Variants in TMC2 observed in about 807,000 individuals in gnomAD.
The protein encoded by TMC2 is transmembrane channel-like protein 2.
A neutral mutation model predicts 105.9 loss-of-function variants in TMC2; 102 were observed. The ratio of observed to expected loss-of-function variants is 0.96; its 90% CI spans 0.82 to 1.14. The LOEUF is 1.14. TMC2 is among the 50% of genes most tolerant of loss of function. TMC2 has a pLI of 0.00. For synonymous variants in TMC2, 402 were observed against 422.8 expected, an observed-to-expected ratio of 0.95 and a Z score of 0.60; for missense variants, 1,093 against 1,134.3, an observed-to-expected ratio of 0.96 and a Z score of 0.52.
intron 1 of TMC2, 50 bp from the exon 2 acceptor site, chr20:2,537,219 G>C: frequency 6.5e-7 from 1 of 1,549,640 alleles, no homozygotes; most frequent in African/African-American, 1.4e-5. Flanking sequence ...TCTGCAGGGA[G>C]GGGGACTCAC....
At chr20:2,559,522 T>C (rs565313898) in intron 3 of TMC2, among the ~76,000 whole-genome samples, 3 of 152,206 alleles carry the variant, frequency 2.0e-5, no homozygotes, top group Non-Finnish European at 4.4e-5. Context: ...GTTGCTCATA[T>C]TGTTTTAAGA....
At chr20:2,604,277 G>C (rs549571019) in intron 11 of TMC2, among the ~76,000 whole-genome samples, 1 of 152,190 alleles carries the variant, frequency 6.6e-6, no homozygotes, top group Non-Finnish European at 1.5e-5. Flanking sequence ...CTTTATCTCA[G>C]CCAACGTTTC....
At chr20:2,540,264 C>T (rs536381733) in intron 2 of TMC2, among the ~76,000 whole-genome samples, 6 of 151,732 alleles carry the variant, frequency 4.0e-5, no homozygotes, top group Non-Finnish European at 7.4e-5. Context: ...GCTGGGATTA[C>T]AGGTGTGAGC....
At chr20:2,633,830 T>C (rs2086622875) in intron 17 of TMC2, among the ~76,000 whole-genome samples, 1 of 152,182 alleles carries the variant, frequency 6.6e-6, no homozygotes, top group Admixed American at 6.5e-5. Flanking sequence ...TTTAGCTGTT[T>C]TCCTTGAAAA....
chr20:2,558,439 T>A lies in TMC2; in HGVS notation c.83-17T>A, dbSNP rs1157286990. The stretch of plus-strand genomic sequence containing the variant: ...AGGCCGTTGGAACCAGAACTGTCCA[T>A]TTTCCCGCCCCGGCAGGTGACAGGC... On this transcript the variant is annotated splice_polypyrimidine_tract_variant and intron_variant, in intron 2 of 19. Transcript: ENST00000358864. This position sits in a 1 kb window ranked among gnomAD's most constrained non-coding sequence, Gnocchi z 4.6. 5.2e-6 allele frequency: 8 copies of A among 1,551,768 alleles called. No individual in the cohort carries two copies. Among genetic ancestry groups the A allele is most frequent in the Non-Finnish European group, 6.1e-6 (7 of 1,147,536 alleles).
chr20:2,537,442 T>C (rs2085857612), intron 2 of TMC2, 126 bp downstream of exon 2: 1 of 824,176 alleles, frequency 1.2e-6, no homozygotes, highest in Non-Finnish European at 2.0e-6. Flanking sequence ...ACACCCTGCA[T>C]GGAGCCTTCC....
At chr20:2,537,917 A>G (rs2085861722) in intron 2 of TMC2, among the ~76,000 whole-genome samples, 2 of 152,116 alleles carry the variant, frequency 1.3e-5, no homozygotes, top group African/African-American at 4.8e-5. Context: ...TATGGATGCG[A>G]TGCTGTTTTC....
At chr20:2,572,728 G>C (rs369800373) in intron 5 of TMC2, among the ~76,000 whole-genome samples, 3 of 152,106 alleles carry the variant, frequency 2.0e-5, no homozygotes, top group Non-Finnish European at 4.4e-5. Flanking sequence ...AATGTTTCAT[G>C]TTGGATATTT....
At chr20:2,599,058 A>C (rs1276578936) in intron 10 of TMC2, among the ~76,000 whole-genome samples, 1 of 152,062 alleles carries the variant, frequency 6.6e-6, no homozygotes, top group Non-Finnish European at 1.5e-5. Flanking sequence ...TGCATATTTA[A>C]AAAATAAAAA....
At chr20:2,587,997 C>T (rs1335313229) in intron 7 of TMC2, among the ~76,000 whole-genome samples, 6 of 151,094 alleles carry the variant, frequency 4.0e-5, no homozygotes, top group African/African-American at 1.5e-4. Context: ...CTAAATGACC[C>T]TCAATCTTGT....
chr20:2,539,992 T>TTTCC (rs1171853846), intron 2 of TMC2, among the ~76,000 whole-genome samples: 7 of 128,822 alleles, frequency 5.4e-5, no homozygotes, highest in African/African-American at 2.3e-4. Context: ...TTTCTTTTCT[T>TTTCC]TTTTTTTTTT....
chr20:2,563,248 A>G (rs1179510413), intron 4 of TMC2, among the ~76,000 whole-genome samples: 1 of 152,170 alleles, frequency 6.6e-6, no homozygotes, highest in Admixed American at 6.5e-5. Flanking sequence ...AGATCTAGCT[A>G]CACCAACACT....
In TMC2 at chr20:2,597,426, A is replaced by G. The variant is rs1445224415; in HGVS notation, c.1224+128A>G. 9 of 911,934 alleles carry G rather than the reference A, an allele frequency of 9.9e-6. No individual in the cohort carries two copies. In the East Asian group the frequency reaches 2.2e-4, roughly 22 times the overall value. The allele number at this position is 911,934 out of a possible 1,614,324, so 56.5% of individuals were successfully genotyped here. A position where few individuals can be genotyped will look rare whatever the true frequency, so the allele number is the denominator to read the frequency against. On this transcript the variant is annotated intron_variant, in intron 10 of 19. Coordinates refer to ENST00000358864, the MANE Select transcript of TMC2 (RefSeq NM_080751.3). ...ATTTGTGGCAAGAGCCTTCCCAGAA[A>G]TGTGAGCCCAGTTTTCAAACCCTTA...
chr20:2,624,069 C>T (rs760966649), intron 16 of TMC2, among the ~76,000 whole-genome samples: 8 of 152,186 alleles, frequency 5.3e-5, no homozygotes, highest in East Asian at 3.9e-4. Flanking sequence ...AGCCGTGTGC[C>T]GACCCAGCTG....
intron 7 of TMC2, among the ~76,000 whole-genome samples, chr20:2,581,911 G>A (rs142567633): frequency 2.0e-5 from 3 of 152,262 alleles, no homozygotes; most frequent in African/African-American, 4.8e-5. Context: ...TGAACCATTC[G>A]TGCTAGAGAA....
At chr20:2,612,975 A>C (rs1383957895) in intron 13 of TMC2, among the ~76,000 whole-genome samples, 1 of 152,256 alleles carries the variant, frequency 6.6e-6, no homozygotes, top group Non-Finnish European at 1.5e-5. Flanking sequence ...TTCAGAGATT[A>C]TTCCAAAGCC....
intron 17 of TMC2, among the ~76,000 whole-genome samples, chr20:2,627,116 G>T (rs1218890709): frequency 1.3e-5 from 2 of 152,188 alleles, no homozygotes; most frequent in Non-Finnish European, 2.9e-5. Flanking sequence ...TGCCGACATA[G>T]TTGTCAGCTT....
chr20:2,560,740 G>A (rs188914867), intron 3 of TMC2, among the ~76,000 whole-genome samples: 26 of 152,066 alleles, frequency 1.7e-4, no homozygotes, highest in Non-Finnish European at 3.4e-4. Context: ...CGGAGGCTAA[G>A]GTGGGAGAAT....
intron 4 of TMC2, among the ~76,000 whole-genome samples, chr20:2,571,222 A>G (rs2086100629): frequency 6.6e-6 from 1 of 152,246 alleles, no homozygotes; most frequent in Admixed American, 6.5e-5. Context: ...CAACCTACAG[A>G]ATGGAGAAAA....
Sources: allele counts gnomAD v4.1 joint callset (sites outside exome capture counted in the v4.1 genomes callset), GRCh38; gene constraint gnomAD v4.1.1; non-coding constraint Gnocchi (gnomAD v3.1); transcripts MANE v1.5; gene names NCBI Gene and HGNC (gene_info 2026-07-23, HGNC 2026-07-21).